The following ALMS1 variants were observed in gnomAD, a reference collection of about 807,000 sequenced individuals.
The protein encoded by ALMS1 is centrosome-associated protein ALMS1.
Under a neutral mutation model 352.2 loss-of-function variants are expected in ALMS1, and 271 were observed. The observed-to-expected ratio is 0.77, with a 90% CI of 0.70 to 0.85. The LOEUF is 0.85. Among genes scored for constraint, ALMS1 ranks in the 40% least tolerant of loss-of-function variants. The pLI, the probability that ALMS1 is intolerant of heterozygous loss-of-function variation, is 0.00. For missense variants in ALMS1, 5,445 were observed against 4,870.7 expected (o/e 1.12, Z -3.51); for synonymous variants, 1,865 against 1,761.2 (o/e 1.06, Z -1.48).
intron 7 of ALMS1, among the ~76,000 whole-genome samples, chr2:73,440,447 G>A (rs570038708): frequency 1.4e-4 from 21 of 151,840 alleles, no homozygotes; most frequent in African/African-American, 1.9e-4. Flanking sequence ...TCTCGCGTTC[G>A]CTGTCTTTCT....
At chr2:73,527,850 G>C (rs1233569722) in intron 11 of ALMS1, among the ~76,000 whole-genome samples, 1 of 151,392 alleles carries the variant, frequency 6.6e-6, no homozygotes, top group East Asian at 1.9e-4. Context: ...TTGTTTATTT[G>C]AAGTTTTTCT....
Position 73,449,757 on chromosome 2 carries a change from C to T in ALMS1, c.3230C>T (p.Ser1077Leu). 1 of 1,614,166 alleles carries T rather than the reference C, an allele frequency of 6.2e-7. No individual in the cohort carries two copies. The highest frequency in any genetic ancestry group is 8.5e-7 in the Non-Finnish European group (1 of 1,179,986). The change falls in exon 8 of 23, where the codon TCA (serine) becomes TTA (leucine). Residue 1077 changes from serine to leucine, a missense_variant. Coordinates refer to ENST00000613296, the MANE Select transcript of ALMS1 (RefSeq NM_001378454.1). Reference sequence around the variant, plus strand: ...CTACCTGAAGAGAGTCTGAAAGTTTCAGCCTTCCCTGGACCAGCTGACCAG... The same window carrying T: ...CTACCTGAAGAGAGTCTGAAAGTTTTAGCCTTCCCTGGACCAGCTGACCAG... ...SHLPEESLKV[S>L]AFPGPADQMT...
chr2:73,479,778 T>G (rs1672657233), intron 9 of ALMS1, among the ~76,000 whole-genome samples: 1 of 152,156 alleles, frequency 6.6e-6, no homozygotes, highest in Non-Finnish European at 1.5e-5. Flanking sequence ...CATGTTTAGT[T>G]TTTTGAAAGA....
Position 73,451,697 on chromosome 2 carries a change from C to A in ALMS1, c.5170C>A (p.Gln1724Lys). ...AGAGAAGCCCATTGTCTTCTACCAA[C>A]AGGCCCTGCCAGACAGTGAGCTAAC... The part of the protein sequence containing the change: ...YREKPIVFYQ[Q>K]ALPDSELTQE... Residue 1724 changes from glutamine (Q) to lysine (K), a missense_variant, in exon 8 of 23, where the codon CAG (glutamine) becomes AAG (lysine). Transcript: ENST00000613296. 6.2e-7 allele frequency: 1 copy of A among 1,614,096 alleles called. No individual in the cohort carries two copies. The highest frequency in any genetic ancestry group is 1.1e-5 in the South Asian group (1 of 91,082).
At chr2:73,553,722 G>A (rs1020695439) in intron 13 of ALMS1, among the ~76,000 whole-genome samples, 3 of 152,152 alleles carry the variant, frequency 2.0e-5, no homozygotes, top group Non-Finnish European at 4.4e-5. Context: ...CATTATTTAT[G>A]TGACATATAA....
intron 10 of ALMS1, among the ~76,000 whole-genome samples, chr2:73,505,603 G>A (rs1673304541): frequency 6.6e-6 from 1 of 151,958 alleles, no homozygotes; most frequent in South Asian, 2.1e-4. Flanking sequence ...TAAGTTCCTT[G>A]TTTTCATTCT....
At chr2:73,484,895 A>G (rs1459165943) in intron 9 of ALMS1, among the ~76,000 whole-genome samples, 4 of 152,076 alleles carry the variant, frequency 2.6e-5, no homozygotes, top group South Asian at 4.2e-4. Context: ...CATTCTTCAC[A>G]TAGTTCTCGA....
At position 73,572,506 on chromosome 2, in the gene ALMS1, C is replaced by T; in HGVS notation, c.10629C>T (p.Thr3543=). Residue 3543 remains threonine, a synonymous_variant, in exon 16 of 23, where the codon ACC becomes ACT. Transcript: ENST00000613296. ...QNMDKTKTDY[T]RIKSLSINVN... is the part of the protein sequence containing the mutation. ...TGGACAAGACTAAGACAGATTATAC[C>T]AGAATAAAGAGCCTCAGCATCAATG... 2 of 1,613,680 alleles carry T rather than the reference C, an allele frequency of 1.2e-6. No individual in the cohort carries two copies. The highest frequency in any genetic ancestry group is 1.7e-6 in the Non-Finnish European group (2 of 1,179,944).
Position 73,602,085 on chromosome 2 carries a change from C to T in ALMS1, c.12115-100C>T, listed in dbSNP as rs115841170. 1.6e-3 allele frequency: 2,053 copies of T among 1,251,034 alleles called. 33 individuals carry two copies. The African/African-American group carries it at 0.028, about 17-fold the overall frequency. 77.5% of individuals were successfully genotyped at this position (1,251,034 alleles called of 1,614,324 possible). On this transcript the variant is annotated intron_variant, in intron 19 of 22. Transcript: ENST00000613296. ...CTTTCTCGGCATTTGAATCAGACTTCCCCAAACCTCTTGGGCAGGTGGTGT... is the reference window on the plus strand; with the variant it reads ...CTTTCTCGGCATTTGAATCAGACTTTCCCAAACCTCTTGGGCAGGTGGTGT...
At chr2:73,426,703 C>G in intron 6 of ALMS1, 150 bp downstream of exon 6, 1 of 791,598 alleles carries the variant, frequency 1.3e-6, no homozygotes, top group Non-Finnish European at 2.1e-6. Flanking sequence ...GAGCTAGCAG[C>G]TTTAGAGAAA....
rs765305776 is a variant in ALMS1, at chr2:73,600,805, A to G, written c.11796A>G (p.Lys3932=). ...NSDVTSWSEE[K]REEKMLFTGY... is the part of the protein sequence containing the mutation. The stretch of plus-strand genomic sequence containing the variant: ...ATGTGACTTCTTGGTCAGAAGAAAA[A>G]CGTGAAGAGAAAATGCTCTTTACCG... The change falls in exon 18 of 23, where the codon AAA becomes AAG. Residue 3932 remains lysine (K), a synonymous_variant. Transcript: ENST00000613296. 1 of 1,614,220 alleles carries G rather than the reference A, an allele frequency of 6.2e-7. No individual in the cohort carries two copies. Among genetic ancestry groups the G allele is most frequent in the Non-Finnish European group, 8.5e-7 (1 of 1,180,020 alleles).
intron 9 of ALMS1, among the ~76,000 whole-genome samples, chr2:73,462,558 A>G (rs1672228990): frequency 6.6e-6 from 1 of 152,260 alleles, no homozygotes; most frequent in Admixed American, 6.5e-5. Flanking sequence ...CTAATGAGCA[A>G]AATAACCAGC....
intron 1 of ALMS1, among the ~76,000 whole-genome samples, chr2:73,396,550 C>CTTTTTTTT (rs60473435): frequency 3.8e-5 from 3 of 78,256 alleles, no homozygotes; most frequent in Admixed American, 1.6e-4. Flanking sequence ...GGTCTGAGCT[C>CTTTTTTTT]TTTTTTTTTT....
At chr2:73,439,609 C>T (rs932029832) in intron 7 of ALMS1, among the ~76,000 whole-genome samples, 6 of 151,808 alleles carry the variant, frequency 4.0e-5, no homozygotes, top group African/African-American at 9.7e-5. Flanking sequence ...GGTGTGATCT[C>T]GGCTCACTGC....
At chr2:73,462,871 T>G (rs563788330) in intron 9 of ALMS1, 2 of 152,092 alleles carry the variant, frequency 1.3e-5, no homozygotes, top group Non-Finnish European at 2.9e-5. Context: ...GGCCATTACA[T>G]AATGGTAAAG....
At chr2:73,432,156 G>T in intron 6 of ALMS1, 42 bp from the exon 7 acceptor site, 2 of 1,458,582 alleles carry the variant, frequency 1.4e-6, no homozygotes, top group African/African-American at 1.4e-5. Flanking sequence ...GGGCATTAAT[G>T]AGTCTTTTTC....
chr2:73,462,750 A>G lies in ALMS1; in HGVS notation c.7674+7455A>G, dbSNP rs1209350491. ...AGACACACATAGGCTCAAAATAAAG[A>G]GATGGAGGAAGATCTACCAAGCAAA... On this transcript the variant is annotated intron_variant, in intron 9 of 22. Coordinates refer to ENST00000613296, the MANE Select transcript of ALMS1 (RefSeq NM_001378454.1). The G allele has an allele frequency of 4.6e-5, 7 of 152,062 alleles. No homozygotes were observed. The South Asian group carries it at 8.3e-4, about 18-fold the overall frequency. The allele number at this position is 152,062 out of a possible 1,614,324, so 9.4% of individuals were successfully genotyped here.
intron 10 of ALMS1, among the ~76,000 whole-genome samples, chr2:73,509,947 A>G (rs985052677): frequency 6.6e-6 from 1 of 150,560 alleles, no homozygotes; most frequent in Non-Finnish European, 1.5e-5. Context: ...TCTTGTCTTC[A>G]CACTTTATTT....
In ALMS1 at chr2:73,490,642, C is replaced by G; in HGVS notation, c.8683C>G (p.Arg2895Gly). 1.2e-6 allele frequency: 2 copies of G among 1,614,004 alleles called. No homozygotes were observed. Among genetic ancestry groups the G allele is most frequent in the Non-Finnish European group, 1.7e-6 (2 of 1,179,992 alleles). ...GCTCTTTGAACAAAGCAAAGCCCCA[C>G]GTGCAGATGACCATGTGAGGAAACA... ...RELFEQSKAP[R>G]ADDHVRKHHS... Residue 2895 changes from arginine (R) to glycine (G), a missense_variant, in exon 10 of 23, where the codon CGT becomes GGT. Coordinates refer to ENST00000613296, the MANE Select transcript of ALMS1 (RefSeq NM_001378454.1).
Sources: allele counts gnomAD v4.1 joint callset (sites outside exome capture counted in the v4.1 genomes callset), GRCh38; gene constraint gnomAD v4.1.1; transcripts MANE v1.5; gene names NCBI Gene and HGNC (gene_info 2026-07-23, HGNC 2026-07-21).